Variants in DCDC2 observed in about 807,000 individuals in gnomAD.
DCDC2 encodes doublecortin domain-containing protein 2.
A neutral mutation model predicts 50.2 loss-of-function variants in DCDC2; 40 were observed. That is an observed-to-expected ratio of 0.80 (90% CI 0.62 to 1.04). DCDC2 has a LOEUF of 1.04. DCDC2 is among the 50% of genes least tolerant of loss of function. DCDC2 has a pLI of 0.00. For synonymous variants in DCDC2, 234 were observed against 210.6 expected (o/e 1.11, Z -0.96); for missense variants, 570 against 581.9 (o/e 0.98, Z 0.21).
the DCDC2 span, among the ~76,000 whole-genome samples, chr6:24,375,789 C>T: frequency 7.2e-4 from 109 of 151,764 alleles, no homozygotes; most frequent in Non-Finnish European, 1.2e-3. Flanking sequence ...ATAGGTGGTA[C>T]TTGATGAATA....
chr6:24,301,287 C>T (rs1019602012), intron 4 of DCDC2, among the ~76,000 whole-genome samples: 7 of 139,700 alleles, frequency 5.0e-5, no homozygotes, highest in Non-Finnish European at 9.0e-5. Context: ...AGGAGAATGG[C>T]GTGAACCCGG....
intron 2 of DCDC2, among the ~76,000 whole-genome samples, chr6:24,307,873 G>C (rs1445771411): frequency 6.6e-6 from 1 of 151,998 alleles, no homozygotes; most frequent in Non-Finnish European, 1.5e-5. Flanking sequence ...TGCCATAACT[G>C]ATATTGGAAA....
intron 7 of DCDC2, among the ~76,000 whole-genome samples, chr6:24,234,429 C>T (rs1328452436): frequency 6.6e-6 from 1 of 152,066 alleles, no homozygotes; most frequent in Non-Finnish European, 1.5e-5. Context: ...GTGAACCACA[C>T]AGTCAGATTT....
chr6:24,230,366 G>C (rs961960037), intron 7 of DCDC2, among the ~76,000 whole-genome samples: 5 of 152,162 alleles, frequency 3.3e-5, no homozygotes, highest in Admixed American at 3.3e-4. Context: ...CGAGAGCCAG[G>C]TGTGGTGGCT....
At chr6:24,333,583 G>A (rs911175244) in intron 2 of DCDC2, among the ~76,000 whole-genome samples, 8 of 152,136 alleles carry the variant, frequency 5.3e-5, no homozygotes, top group African/African-American at 1.4e-4. Flanking sequence ...GATTTTCAAC[G>A]TACTGAAGAT....
At position 24,302,057 on chromosome 6, in the gene DCDC2, AG is replaced by A. The variant is rs781741243; in HGVS notation, c.349-14del. ...TTACTGGTTTTACCTTTAAAAGCAA[AG>A]GAAAAAAAATATAAACCACTAAGCT... On this transcript the variant is annotated splice_polypyrimidine_tract_variant and intron_variant, in intron 2 of 9. Coordinates refer to ENST00000378454, the MANE Select transcript of DCDC2 (RefSeq NM_016356.5). 5 of 1,599,500 alleles carry A rather than the reference AG, an allele frequency of 3.1e-6. No homozygotes were observed. The highest frequency in any genetic ancestry group is 3.4e-6 in the Non-Finnish European group (4 of 1,175,732).
At chr6:24,279,260 C>T (rs996175444) in intron 6 of DCDC2, among the ~76,000 whole-genome samples, 1 of 152,006 alleles carries the variant, frequency 6.6e-6, no homozygotes, top group Admixed American at 6.6e-5. Flanking sequence ...TCCCAGCTAC[C>T]TAGGAGGCAG....
In DCDC2 at chr6:24,227,488, C is replaced by T. The variant is rs542982294; in HGVS notation, c.923-22386G>A. 4.6e-5 allele frequency among the ~76,000 whole-genome samples: 7 copies of T among 152,244 alleles called. No individual in the cohort carries two copies. The East Asian group carries it at 1.4e-3, about 29-fold the overall frequency. ...GAGATGAATGTTGAGGAATGAGAGA[C>T]GAAGCCAGACCCGTCAAAAGAGTTA... On this transcript the variant is annotated intron_variant, in intron 7 of 9. Coordinates refer to ENST00000378454, the MANE Select transcript of DCDC2 (RefSeq NM_016356.5).
chr6:24,342,351 A>C (rs866007238), intron 2 of DCDC2, among the ~76,000 whole-genome samples: 1 of 152,348 alleles, frequency 6.6e-6, no homozygotes, highest in Middle Eastern at 3.4e-3. Flanking sequence ...AAATCACAGC[A>C]TCGCATGTTT....
chr6:24,241,593 GA>G (rs1215579082), intron 7 of DCDC2, among the ~76,000 whole-genome samples: 2 of 152,050 alleles, frequency 1.3e-5, no homozygotes, highest in East Asian at 1.9e-4. Context: ...ACTCTAGGTT[GA>G]AAAAAACCAC....
intron 7 of DCDC2, among the ~76,000 whole-genome samples, chr6:24,275,465 C>T (rs1374928328): frequency 6.6e-6 from 1 of 151,978 alleles, no homozygotes; most frequent in Non-Finnish European, 1.5e-5. Context: ...ATTCATTTTC[C>T]AGGTTATATG....
At chr6:24,188,763 G>A (rs793845) in intron 8 of DCDC2, among the ~76,000 whole-genome samples, 95,488 of 151,680 alleles carry the variant, frequency 0.63, 30,927 homozygotes, top group Admixed American at 0.69. Context: ...CTTCTGTTTC[G>A]CCGGAGGCAA....
At chr6:24,363,381 G>T in the DCDC2 span, among the ~76,000 whole-genome samples, 1 of 152,118 alleles carries the variant, frequency 6.6e-6, no homozygotes. Flanking sequence ...TGCTCCTGTA[G>T]TCCCAGCTAC....
chr6:24,224,049 C>T (rs1440205765), intron 7 of DCDC2, among the ~76,000 whole-genome samples: 3 of 151,960 alleles, frequency 2.0e-5, no homozygotes, highest in Non-Finnish European at 4.4e-5. Context: ...CGCACAGATT[C>T]CCGCCAACCC....
Position 24,357,842 on chromosome 6 carries a change from C to G in DCDC2, c.-92G>C, listed in dbSNP as rs560979830. On this transcript the variant is annotated 5_prime_UTR_variant, in exon 1 of 10. Coordinates refer to ENST00000378454, the MANE Select transcript of DCDC2 (RefSeq NM_016356.5). ...CCTCACCGCACCCAGGGCGCGGGATCGCCTCCTGAAACGAACGAGAAACTG... is the reference window on the plus strand; with the variant it reads ...CCTCACCGCACCCAGGGCGCGGGATGGCCTCCTGAAACGAACGAGAAACTG... 2 of 1,597,422 alleles carry G rather than the reference C, an allele frequency of 1.3e-6. No individual in the cohort carries two copies. The highest frequency in any genetic ancestry group is 2.7e-5 in the African/African-American group (2 of 74,642).
intron 2 of DCDC2, among the ~76,000 whole-genome samples, chr6:24,332,087 T>G (rs912184546): frequency 1.3e-5 from 2 of 152,194 alleles, no homozygotes; most frequent in African/African-American, 2.4e-5. Context: ...GGTAGCTACA[T>G]ATCTAAATGA....
chr6:24,310,336 G>A (rs530942049), intron 2 of DCDC2, among the ~76,000 whole-genome samples: 4 of 152,124 alleles, frequency 2.6e-5, no homozygotes, highest in East Asian at 1.9e-4. Flanking sequence ...TACAGCTCCC[G>A]GGTATTTTGG....
chr6:24,264,902 A>C (rs923532266), intron 7 of DCDC2, among the ~76,000 whole-genome samples: 33 of 152,270 alleles, frequency 2.2e-4, no homozygotes, highest in Middle Eastern at 3.4e-3. Flanking sequence ...AGACACACAC[A>C]AACTGAAAAT....
chr6:24,176,167 C>A (rs1446897641), intron 9 of DCDC2, among the ~76,000 whole-genome samples: 3 of 152,042 alleles, frequency 2.0e-5, no homozygotes, highest in Non-Finnish European at 4.4e-5. Flanking sequence ...GGCATGGTGG[C>A]ACCTGTGGGC....
Sources: gnomAD v4.1 joint callset for allele counts (sites outside exome capture counted in the v4.1 genomes callset) on GRCh38, gnomAD v4.1.1 for gene constraint, MANE v1.5 for transcripts, NCBI Gene and HGNC (gene_info 2026-07-23, HGNC 2026-07-21) for gene names.